PPP1R13B: variants seen among roughly 807,000 people sequenced by gnomAD.
PPP1R13B encodes protein phosphatase 1 regulatory subunit 13B, also known as apoptosis-stimulating of p53 protein 1.
Under a neutral mutation model 119.8 loss-of-function variants are expected in PPP1R13B, and 44 were observed. The ratio of observed to expected loss-of-function variants is 0.37; its 90% CI spans 0.29 to 0.47. The LOEUF (loss-of-function observed/expected upper bound fraction) is 0.47, where lower values mean the gene tolerates loss of function less well. PPP1R13B is among the 20% of genes least tolerant of loss of function. The pLI is 0.99. For missense variants in PPP1R13B, 1,227 were observed against 1,413.5 expected (o/e 0.87, Z 2.12); for synonymous variants, 542 against 561.5 (o/e 0.97, Z 0.49).
intron 2 of PPP1R13B, among the ~76,000 whole-genome samples, chr14:103,786,004 A>AT (rs2085453818): frequency 6.6e-6 from 1 of 152,246 alleles, no homozygotes; most frequent in South Asian, 2.1e-4. Context: ...TATTTCAAAT[A>AT]TTTTTTTAAA....
At position 103,739,146 on chromosome 14, in the gene PPP1R13B, G is replaced by A. The variant is rs552083204; in HGVS notation, c.2593-123C>T. 4.4e-6 allele frequency: 6 copies of A among 1,375,050 alleles called. No homozygotes were observed. In the African/African-American group the frequency reaches 7.2e-5, roughly 17 times the overall value. 85.2% of individuals were successfully genotyped at this position (1,375,050 alleles called of 1,614,324 possible). On this transcript the variant is annotated intron_variant, in intron 12 of 16. Coordinates refer to ENST00000202556, the MANE Select transcript of PPP1R13B (RefSeq NM_015316.3). The stretch of plus-strand genomic sequence containing the variant: ...GACAGTGGCTCCGCGAAGCAGCCCT[G>A]GAGTGGTAGCAGTAGCAGCGCCCAG...
In PPP1R13B at chr14:103,739,739, C is replaced by A; in HGVS notation, c.2592+85G>T. On this transcript the variant is annotated intron_variant, in intron 12 of 16. Transcript: ENST00000202556. ...TCCCTGGTTCCCACTGCTCCCAGCA[C>A]AGCCTGACCAAGGGAAGGACCCCAG... 3.5e-6 allele frequency: 5 copies of A among 1,436,240 alleles called. No homozygotes were observed. The South Asian group carries it at 5.7e-5, about 16-fold the overall frequency. The allele number at this position is 1,436,240 out of a possible 1,614,324, so 89.0% of individuals were successfully genotyped here.
intron 1 of PPP1R13B, among the ~76,000 whole-genome samples, chr14:103,808,471 T>C (rs1247411644): frequency 1.3e-5 from 2 of 152,122 alleles, no homozygotes; most frequent in Non-Finnish European, 1.5e-5. Context: ...TTAAAAAACA[T>C]ATATATATCA....
chr14:103,829,215 C>T (rs1476369708), intron 1 of PPP1R13B, among the ~76,000 whole-genome samples: 7 of 152,096 alleles, frequency 4.6e-5, no homozygotes, highest in Non-Finnish European at 1.0e-4. Context: ...TATTTAATCA[C>T]ACTACTGCTG....
intron 1 of PPP1R13B, among the ~76,000 whole-genome samples, chr14:103,838,649 T>C (rs576754793): frequency 1.3e-5 from 2 of 152,196 alleles, no homozygotes; most frequent in African/African-American, 4.8e-5. Context: ...CCTCTGATGG[T>C]GGAGTTGGCT....
At position 103,734,447 on chromosome 14, in the gene PPP1R13B, G is replaced by A. The variant is rs955235488; in HGVS notation, c.*707C>T. On this transcript the variant is annotated 3_prime_UTR_variant, in exon 17 of 17. Transcript: ENST00000202556. ...CAGCATGACAGGCTGTGAGATCGGAGGAGAAGAGTATATGCTGAGGCTCTC... is the reference window on the plus strand; with the variant it reads ...CAGCATGACAGGCTGTGAGATCGGAAGAGAAGAGTATATGCTGAGGCTCTC... The A allele has an allele frequency of 8.9e-6, 4 of 448,686 alleles. No individual in the cohort carries two copies. Among genetic ancestry groups the A allele is most frequent in the African/African-American group, 2.0e-5 (1 of 49,958 alleles). The allele number at this position is 448,686 out of a possible 1,614,324, so 27.8% of individuals were successfully genotyped here.
intron 4 of PPP1R13B, among the ~76,000 whole-genome samples, chr14:103,778,379 A>G (rs1332071125): frequency 2.0e-5 from 3 of 148,290 alleles, no homozygotes; most frequent in Admixed American, 6.9e-5. Context: ...CTCCTGCCTC[A>G]GCCTCCCGAG....
intron 2 of PPP1R13B, among the ~76,000 whole-genome samples, chr14:103,789,074 T>C (rs1053743072): frequency 1.3e-5 from 2 of 152,164 alleles, no homozygotes; most frequent in Non-Finnish European, 2.9e-5. Flanking sequence ...ACAAACAAGC[T>C]CTAGCTCTGA....
At position 103,830,987 on chromosome 14, in the gene PPP1R13B, A is replaced by AG. The variant is rs573952796; in HGVS notation, c.9+16311dup. 3.2e-4 allele frequency among the ~76,000 whole-genome samples: 46 copies of AG among 145,826 alleles called. No individual in the cohort carries two copies. In the South Asian group the frequency reaches 9.9e-3, roughly 31 times the overall value. ...GAGACGAAGTCTCACTCTGTCGCCCAGGCTGGAGTGCAACGGCACGATCTT... is the reference window on the plus strand; with the variant it reads ...GAGACGAAGTCTCACTCTGTCGCCCAGGGCTGGAGTGCAACGGCACGATCTT... On this transcript the variant is annotated intron_variant, in intron 1 of 16. Transcript: ENST00000202556.
At chr14:103,737,620 G>A (rs1268146020) in intron 15 of PPP1R13B, 74 bp downstream of exon 15, 6 of 1,521,758 alleles carry the variant, frequency 3.9e-6, no homozygotes, top group African/African-American at 1.4e-5. Flanking sequence ...AAGCTTCTCT[G>A]GCACCGGCTG....
chr14:103,819,523 A>C (rs1034078931), intron 1 of PPP1R13B, among the ~76,000 whole-genome samples: 3 of 151,882 alleles, frequency 2.0e-5, no homozygotes, highest in East Asian at 1.9e-4. Context: ...AAACAAAAAA[A>C]AACAACAACA....
At chr14:103,758,175 G>GT (rs2084721668) in intron 4 of PPP1R13B, among the ~76,000 whole-genome samples, 1 of 152,122 alleles carries the variant, frequency 6.6e-6, no homozygotes, top group African/African-American at 2.4e-5. Flanking sequence ...ATGAAAATAC[G>GT]TAACAGATTC....
chr14:103,742,415 C>A lies in PPP1R13B; in HGVS notation c.1321-124G>T. 7.3e-7 allele frequency: 1 copy of A among 1,361,794 alleles called. No individual in the cohort carries two copies. The highest frequency in any genetic ancestry group is 9.9e-7 in the Non-Finnish European group (1 of 1,014,236). The allele number at this position is 1,361,794 out of a possible 1,614,324, so 84.4% of individuals were successfully genotyped here. ...TCCGTCAAATTGGCTGTGACCAGGA[C>A]TTGGGGCACACTGTTGAGCTCATTG... On this transcript the variant is annotated intron_variant, in intron 10 of 16. Coordinates refer to ENST00000202556, the MANE Select transcript of PPP1R13B (RefSeq NM_015316.3). This position sits in a 1 kb window ranked among gnomAD's most constrained non-coding sequence, Gnocchi z 4.9.
chr14:103,746,605 C>T (rs569126529), intron 8 of PPP1R13B, 52 bp from the exon 9 acceptor site: 1 of 1,464,522 alleles, frequency 6.8e-7, no homozygotes, highest in East Asian at 2.4e-5. Flanking sequence ...TCAAAGAAGT[C>T]CTAAGCTTAG....
chr14:103,792,643 T>TTTGTA (rs2085651501), intron 2 of PPP1R13B, among the ~76,000 whole-genome samples: 2 of 152,058 alleles, frequency 1.3e-5, no homozygotes, highest in Admixed American at 6.6e-5. Context: ...CACTGTGCAG[T>TTTGTA]TTGCCTGTGC....
intron 4 of PPP1R13B, among the ~76,000 whole-genome samples, chr14:103,777,629 T>C (rs1200823742): frequency 6.6e-6 from 1 of 152,138 alleles, no homozygotes; most frequent in Non-Finnish European, 1.5e-5. Context: ...AAAGGAGACA[T>C]GATCTGATTC....
intron 1 of PPP1R13B, among the ~76,000 whole-genome samples, chr14:103,832,456 G>T (rs915838661): frequency 6.6e-6 from 1 of 152,168 alleles, no homozygotes; most frequent in Non-Finnish European, 1.5e-5. Flanking sequence ...TGGTAAATTA[G>T]AACTGTGTAA....
intron 1 of PPP1R13B, chr14:103,847,076 A>G (rs2152093693): frequency 1.0e-6 from 1 of 1,001,594 alleles, no homozygotes; most frequent in Admixed American, 5.9e-5. Flanking sequence ...GAGGCCGAGC[A>G]GGAAGGGCCC....
chr14:103,818,573 G>T (rs752776464), intron 1 of PPP1R13B: 12 of 799,418 alleles, frequency 1.5e-5, no homozygotes, highest in African/African-American at 1.9e-5. Flanking sequence ...CAACCTCAGA[G>T]ACATCAACTG....
Sources: gnomAD v4.1 joint callset for allele counts (sites outside exome capture counted in the v4.1 genomes callset) on GRCh38, gnomAD v4.1.1 for gene constraint, Gnocchi (gnomAD v3.1) non-coding constraint, MANE v1.5 for transcripts, NCBI Gene and HGNC (gene_info 2026-07-23, HGNC 2026-07-21) for gene names.